HEATR5B: variants seen among roughly 807,000 people sequenced by gnomAD.
HEATR5B encodes HEAT repeat containing 5B.
Under a neutral mutation model 224.1 loss-of-function variants are expected in HEATR5B, and 156 were observed. The observed-to-expected ratio is 0.70, with a 90% CI of 0.61 to 0.80. HEATR5B has a LOEUF of 0.80. Ranked by LOEUF, HEATR5B falls within the 30% of genes least tolerant of loss-of-function variation. HEATR5B has a pLI of 0.00. For missense variants in HEATR5B, 2,323 were observed against 2,535.5 expected (o/e 0.92, Z 1.80); for synonymous variants, 1,027 against 893.0 (o/e 1.15, Z -2.68).
chr2:37,079,039 T>A (rs112294618), intron 3 of HEATR5B, 81 bp downstream of exon 3: 3 of 818,270 alleles, frequency 3.7e-6, no homozygotes, highest in African/African-American at 1.7e-5. Flanking sequence ...CCTGGGGGTT[T>A]TTATGGTCCA....
At chr2:37,023,540 G>A (rs1255449894) in intron 24 of HEATR5B, among the ~76,000 whole-genome samples, 3 of 152,114 alleles carry the variant, frequency 2.0e-5, no homozygotes, top group Non-Finnish European at 2.9e-5. Flanking sequence ...AGGCCAAGGC[G>A]GGCAGATCAC....
At position 37,056,551 on chromosome 2, in the gene HEATR5B, CGT is replaced by C; in HGVS notation, c.2286_2287del (p.Arg763HisfsTer19). On this transcript the variant is annotated frameshift_variant, in exon 16 of 36. Coordinates refer to ENST00000233099, the MANE Select transcript of HEATR5B (RefSeq NM_019024.3). LOFTEE classifies it high-confidence loss of function. ...AGGTACTGCTTCTCCAGCAGGTATG[CGT>C]AAATAAATAGAGGAAGGATCATGCT... 1 of 1,612,846 alleles carries C rather than the reference CGT, an allele frequency of 6.2e-7. No homozygotes were observed. The highest frequency in any genetic ancestry group is 8.5e-7 in the Non-Finnish European group (1 of 1,179,338).
chr2:37,006,316 A>G (rs977583321), intron 29 of HEATR5B, among the ~76,000 whole-genome samples: 4 of 152,218 alleles, frequency 2.6e-5, no homozygotes, highest in African/African-American at 4.8e-5. Context: ...AAGATCACTA[A>G]AAGCTTCATT....
chr2:37,043,419 G>A (rs1669998699), intron 18 of HEATR5B, among the ~76,000 whole-genome samples: 1 of 152,224 alleles, frequency 6.6e-6, no homozygotes, highest in Non-Finnish European at 1.5e-5. Context: ...AAGAACAATA[G>A]CATCTGCTCA....
chr2:37,031,485 G>A (rs551690950), intron 22 of HEATR5B, among the ~76,000 whole-genome samples: 12 of 143,682 alleles, frequency 8.4e-5, no homozygotes, highest in African/African-American at 3.1e-4. Context: ...TGCCCAGGTT[G>A]GACTTGAACT....
Position 37,056,619 on chromosome 2 carries a change from CA to C in HEATR5B, c.2224-5del. 6.4e-7 allele frequency: 1 copy of C among 1,573,898 alleles called. No individual in the cohort carries two copies. ...CAGAGGCACTGTTTGGCTGGAGCTG[CA>C]AAAGAGTGAAATAAAAATTATTCAA... is the stretch of plus-strand genomic sequence containing the variant. On this transcript the variant is annotated splice_region_variant and splice_polypyrimidine_tract_variant and intron_variant, in intron 15 of 35. Coordinates refer to ENST00000233099, the MANE Select transcript of HEATR5B (RefSeq NM_019024.3).
At position 37,024,111 on chromosome 2, in the gene HEATR5B, T is replaced by C. The variant is rs367726984; in HGVS notation, c.3854-3275A>G. On this transcript the variant is annotated intron_variant, in intron 24 of 35. Transcript: ENST00000233099. ...GTCCTATTATTTGAGACAACATGGA[T>C]GAACTTGGAGGCATTAGGTTAAGTG... Among the ~76,000 whole-genome samples the C allele has an allele frequency of 5.2e-4, 79 of 152,328 alleles. 1 individual carries two copies. The highest frequency in any genetic ancestry group is 6.8e-3 in the Middle Eastern group (2 of 294).
intron 16 of HEATR5B, 108 bp downstream of exon 16, chr2:37,056,332 T>G (rs962466003): frequency 8.4e-6 from 6 of 716,124 alleles, no homozygotes; most frequent in Non-Finnish European, 1.3e-5. Context: ...CTGTTTTAAG[T>G]ATTATAATAA....
chr2:37,052,510 CAGA>C (rs1337839322), intron 17 of HEATR5B, among the ~76,000 whole-genome samples: 1 of 152,224 alleles, frequency 6.6e-6, no homozygotes, highest in Non-Finnish European at 1.5e-5. Flanking sequence ...TGATTTCAGA[CAGA>C]AGATTTGTTC....
intron 35 of HEATR5B, among the ~76,000 whole-genome samples, chr2:36,983,541 AAAAACAAAAC>A (rs921897053): frequency 6.6e-6 from 1 of 151,992 alleles, no homozygotes; most frequent in African/African-American, 2.4e-5. Flanking sequence ...CTCTGTCTCA[AAAAACAAAAC>A]AAAACAAAAC....
In HEATR5B at chr2:37,068,796, T is replaced by C; in HGVS notation, c.1062A>G (p.Arg354=). Residue 354 remains arginine, a synonymous_variant, in exon 8 of 36, where the codon AGA becomes AGG. Transcript: ENST00000233099. The part of the protein sequence containing the change: ...TQTHVEAVYS[R]RCVSFILRAT... ...CTCTTAGGATAAAGGAAACACATCG[T>C]CTGGAGTACACAGCCTCCACATGTG... is the stretch of plus-strand genomic sequence containing the variant. 1 of 1,614,136 alleles carries C rather than the reference T, an allele frequency of 6.2e-7. No homozygotes were observed. Among genetic ancestry groups the C allele is most frequent in the Non-Finnish European group, 8.5e-7 (1 of 1,180,010 alleles).
rs538624094 is a variant in HEATR5B at position 37,063,671 on chromosome 2, C to T, written c.1584+1069G>A. Among the ~76,000 whole-genome samples the T allele has an allele frequency of 3.3e-5, 5 of 151,958 alleles. No individual in the cohort carries two copies. In the South Asian group the frequency reaches 1.0e-3, roughly 32 times the overall value. On this transcript the variant is annotated intron_variant, in intron 10 of 35. Coordinates refer to ENST00000233099, the MANE Select transcript of HEATR5B (RefSeq NM_019024.3). Reference sequence around the variant, plus strand: ...GGGCTTAATGTCCCAGAAAAAAAATCAAAATTTAAAACTCTAGCCCCAATC... The same window carrying T: ...GGGCTTAATGTCCCAGAAAAAAAATTAAAATTTAAAACTCTAGCCCCAATC...
chr2:37,011,936 G>C lies in HEATR5B; in HGVS notation c.4284+1905C>G, dbSNP rs192283088. On this transcript the variant is annotated intron_variant, in intron 27 of 35. Coordinates refer to ENST00000233099, the MANE Select transcript of HEATR5B (RefSeq NM_019024.3). ...TGTTTACAAATATTTTTATGACTCT[G>C]AATAGACACTGCCAAATGCTTTCTA... is the stretch of plus-strand genomic sequence containing the variant. Among the ~76,000 whole-genome samples, 711 of 152,144 alleles carry C rather than the reference G, an allele frequency of 4.7e-3. 7 individuals carry two copies. The highest frequency in any genetic ancestry group is 0.016 in the African/African-American group (677 of 41,514).
intron 2 of HEATR5B, among the ~76,000 whole-genome samples, chr2:37,081,688 G>T (rs1477256302): frequency 6.6e-6 from 1 of 152,086 alleles, no homozygotes; most frequent in South Asian, 2.1e-4. Flanking sequence ...TTATTCTCTG[G>T]GAAGAGTGAA....
At chr2:37,073,257 G>A (rs962224733) in intron 5 of HEATR5B, among the ~76,000 whole-genome samples, 1 of 152,156 alleles carries the variant, frequency 6.6e-6, no homozygotes, top group African/African-American at 2.4e-5. Context: ...TCATGACCAA[G>A]TGAGGTTTAT....
At chr2:36,990,577 A>T in intron 34 of HEATR5B, 71 bp downstream of exon 34, 1 of 1,331,254 alleles carries the variant, frequency 7.5e-7, no homozygotes, top group Non-Finnish European at 1.0e-6. Flanking sequence ...CACATATTTT[A>T]ATGAATCAAT....
rs533929008 is a variant in HEATR5B at position 37,009,031 on chromosome 2, G to A, written c.4285-183C>T. Among the ~76,000 whole-genome samples, 4 of 151,960 alleles carry A rather than the reference G, an allele frequency of 2.6e-5. No homozygotes were observed. The South Asian group carries it at 6.2e-4, about 24-fold the overall frequency. On this transcript the variant is annotated intron_variant, in intron 27 of 35. Transcript: ENST00000233099. The stretch of plus-strand genomic sequence containing the variant: ...TCCCAGGACTTTGGGAGGCCAAGGC[G>A]GGTAGATCATGAGGTCAAGAGATTG...
intron 21 of HEATR5B, 79 bp downstream of exon 21, chr2:37,037,776 T>C (rs2148489577): frequency 1.0e-5 from 10 of 999,086 alleles, no homozygotes; most frequent in Middle Eastern, 3.6e-4. Flanking sequence ...ATATAGCTAG[T>C]ATGTATCCAT....
At chr2:37,081,879 T>G (rs893908727) in intron 2 of HEATR5B, among the ~76,000 whole-genome samples, 2 of 141,034 alleles carry the variant, frequency 1.4e-5, no homozygotes, top group Admixed American at 7.6e-5. Context: ...TAGAAAAGTA[T>G]CTTCTGGGGA....
Sources: allele counts gnomAD v4.1 joint callset (sites outside exome capture counted in the v4.1 genomes callset), GRCh38; gene constraint gnomAD v4.1.1; transcripts MANE v1.5; gene names NCBI Gene and HGNC (gene_info 2026-07-23, HGNC 2026-07-21).